Variants in TTC7A observed in about 807,000 individuals in gnomAD.
TTC7A encodes the protein tetratricopeptide repeat protein 7A.
TTC7A carries 110 observed loss-of-function variants against 103.7 expected under a neutral mutation model. The ratio of observed to expected loss-of-function variants is 1.06; its 90% CI spans 0.91 to 1.24. The LOEUF (loss-of-function observed/expected upper bound fraction) is 1.24, where lower values mean the gene tolerates loss of function less well. TTC7A is among the 50% of genes most tolerant of loss of function. The pLI, the probability that TTC7A is intolerant of heterozygous loss-of-function variation, is 0.00. For missense variants in TTC7A, 1,340 were observed against 1,116.3 expected (o/e 1.20, Z -2.86); for synonymous variants, 521 against 467.9 (o/e 1.11, Z -1.47).
chr2:46,959,033 G>A lies in TTC7A; in HGVS notation c.517+2026G>A, dbSNP rs555375422. On this transcript the variant is annotated intron_variant, in intron 3 of 19. Transcript: ENST00000319190. The stretch of plus-strand genomic sequence containing the variant: ...TCTATGTCGCGGATGAGGAGTTAAG[G>A]TTGGAAGAAGTGAGGTGACTCATGC... 1.9e-3 allele frequency among the ~76,000 whole-genome samples: 292 copies of A among 152,308 alleles called. 2 individuals are homozygous for A. Among genetic ancestry groups the A allele is most frequent in the African/African-American group, 6.8e-3 (284 of 41,546 alleles).
At chr2:46,988,719 C>A (rs1199426550) in intron 5 of TTC7A, among the ~76,000 whole-genome samples, 1 of 152,174 alleles carries the variant, frequency 6.6e-6, no homozygotes, top group Non-Finnish European at 1.5e-5. Flanking sequence ...CAAATTGAGT[C>A]CCAGGAGTTC....
intron 18 of TTC7A, among the ~76,000 whole-genome samples, chr2:47,056,492 G>C (rs759362041): frequency 1.3e-5 from 2 of 152,206 alleles, no homozygotes; most frequent in African/African-American, 4.8e-5. Context: ...GCCAGCCTGC[G>C]GGCAAGGCCC....
At chr2:46,945,941 G>A (rs1476644782) in intron 1 of TTC7A, among the ~76,000 whole-genome samples, 2 of 152,188 alleles carry the variant, frequency 1.3e-5, no homozygotes, top group Non-Finnish European at 2.9e-5. Context: ...GGAAGGGCCT[G>A]GTCTGAATCC....
At chr2:46,948,992 A>G (rs771372209) in intron 1 of TTC7A, among the ~76,000 whole-genome samples, 1 of 152,186 alleles carries the variant, frequency 6.6e-6, no homozygotes, top group Admixed American at 6.5e-5. Context: ...AATTCACTCA[A>G]CAGGTATTTA....
intron 10 of TTC7A, among the ~76,000 whole-genome samples, chr2:47,010,965 G>C (rs1202486871): frequency 6.6e-6 from 1 of 152,188 alleles, no homozygotes; most frequent in Non-Finnish European, 1.5e-5. Context: ...CTCCCAAAGT[G>C]CTGGGATTGC....
At chr2:46,927,896 T>G (rs1209079254) in intron 2 of TTC7A, among the ~76,000 whole-genome samples, 3 of 130,598 alleles carry the variant, frequency 2.3e-5, no homozygotes, top group African/African-American at 5.8e-5. Flanking sequence ...TTTTTTTTTT[T>G]TTTTTTTTTT....
chr2:46,986,202 C>A (rs528180396), intron 5 of TTC7A, among the ~76,000 whole-genome samples: 48 of 152,308 alleles, frequency 3.2e-4, no homozygotes, highest in African/African-American at 1.1e-3. Context: ...TGGAGTCAGG[C>A]AGCATTTTCT....
chr2:47,045,746 T>G (rs1281714548), intron 15 of TTC7A, among the ~76,000 whole-genome samples: 1 of 152,192 alleles, frequency 6.6e-6, no homozygotes, highest in Non-Finnish European at 1.5e-5. Context: ...CAGTTCCACT[T>G]AGGAGGCGTT....
chr2:47,002,821 C>T (rs957629892), intron 8 of TTC7A, among the ~76,000 whole-genome samples: 1 of 152,138 alleles, frequency 6.6e-6, no homozygotes. Flanking sequence ...CACTTCGGCC[C>T]TGCCCCAAAG....
intron 2 of TTC7A, among the ~76,000 whole-genome samples, chr2:46,928,364 A>G (rs75096932): frequency 0.012 from 1,776 of 151,874 alleles, 40 homozygotes; most frequent in African/African-American, 0.04. Flanking sequence ...TCCTCCACAC[A>G]GTATCACAAG....
intron 15 of TTC7A, among the ~76,000 whole-genome samples, chr2:47,030,405 G>A (rs943047000): frequency 2.6e-5 from 4 of 152,292 alleles, no homozygotes; most frequent in South Asian, 2.1e-4. Flanking sequence ...TGACCACAGG[G>A]GTGGGTTCAG....
chr2:47,038,660 G>A (rs1256785100), intron 15 of TTC7A, among the ~76,000 whole-genome samples: 3 of 76,106 alleles, frequency 3.9e-5, no homozygotes, highest in African/African-American at 1.1e-4. Flanking sequence ...CCACCCCCCC[G>A]ACACACAGAG....
At chr2:47,072,339 G>A (rs1324478677) in intron 19 of TTC7A, among the ~76,000 whole-genome samples, 1 of 152,172 alleles carries the variant, frequency 6.6e-6, no homozygotes, top group African/African-American at 2.4e-5. Context: ...TGTGAGGACA[G>A]CCTCTTCCTC....
chr2:46,975,039 A>G lies in TTC7A; in HGVS notation c.584A>G (p.Glu195Gly). Residue 195 changes from glutamate to glycine, a missense_variant, in exon 4 of 20, where the codon GAA becomes GGA. Glu to Gly is a moderately conservative substitution (Grantham distance 98). Coordinates refer to ENST00000319190, the MANE Select transcript of TTC7A (RefSeq NM_020458.4). ...SRFRLTEREE[E>G]VITCFERASW... is the part of the protein sequence containing the mutation. ...TTCCGCCTGACAGAGAGGGAGGAGG[A>G]AGTGATCACCTGTTTTGAGAGGGCC... 3.7e-6 allele frequency: 6 copies of G among 1,614,008 alleles called. No homozygotes were observed. The highest frequency in any genetic ancestry group is 5.1e-6 in the Non-Finnish European group (6 of 1,179,946).
At position 47,005,939 on chromosome 2, in the gene TTC7A, G is replaced by A. The variant is rs781537471; in HGVS notation, c.1083G>A (p.Val361=). The change falls in exon 9 of 20, where the codon GTG becomes GTA. Residue 361 remains valine, a synonymous_variant. Transcript: ENST00000319190. ...ISESMATRDV[V]LSRVPEQEED... Reference sequence around the variant, plus strand: ...ACCCACAGGCAACTCGAGATGTGGTGCTGAGCCGGGTGCCGGAGCAGGAGG... The same window carrying A: ...ACCCACAGGCAACTCGAGATGTGGTACTGAGCCGGGTGCCGGAGCAGGAGG... 7 of 1,614,024 alleles carry A rather than the reference G, an allele frequency of 4.3e-6. No individual in the cohort carries two copies. The highest frequency in any genetic ancestry group is 1.7e-5 in the Admixed American group (1 of 60,000).
At chr2:47,017,852 G>C (rs377605461) in intron 11 of TTC7A, among the ~76,000 whole-genome samples, 36 of 152,272 alleles carry the variant, frequency 2.4e-4, no homozygotes, top group African/African-American at 8.2e-4. Flanking sequence ...ACTATACTCA[G>C]ATGACACTTG....
chr2:46,978,992 TCTC>T, intron 5 of TTC7A, 85 bp downstream of exon 5: 2 of 908,084 alleles, frequency 2.2e-6, no homozygotes, highest in South Asian at 2.9e-5. Flanking sequence ...CTCTCCCTCT[TCTC>T]TGGCCTGTGC....
At chr2:46,983,267 A>G (rs1474512448) in intron 5 of TTC7A, among the ~76,000 whole-genome samples, 1 of 152,154 alleles carries the variant, frequency 6.6e-6, no homozygotes, top group East Asian at 1.9e-4. Context: ...TGTGCCAGAG[A>G]TGGGGCTGAG....
intron 1 of TTC7A, among the ~76,000 whole-genome samples, chr2:46,945,017 A>G (rs1350672633): frequency 6.6e-6 from 1 of 152,228 alleles, no homozygotes; most frequent in African/African-American, 2.4e-5. Context: ...GAAAATTTCA[A>G]ATATACAGTA....
Sources: allele counts gnomAD v4.1 joint callset (sites outside exome capture counted in the v4.1 genomes callset), GRCh38; gene constraint gnomAD v4.1.1; transcripts MANE v1.5; gene names NCBI Gene and HGNC (gene_info 2026-07-23, HGNC 2026-07-21).